Variants in BRCA1 observed in about 807,000 individuals in gnomAD.
The protein encoded by BRCA1 is BRCA1 DNA repair associated.
A neutral mutation model predicts 173.7 loss-of-function variants in BRCA1; 140 were observed. The ratio of observed to expected loss-of-function variants is 0.81; its 90% confidence interval spans 0.70 to 0.93. The LOEUF (loss-of-function observed/expected upper bound fraction) is 0.93. BRCA1 is among the 40% of genes least tolerant of loss of function. BRCA1 has a pLI of 0.00. For missense variants in BRCA1, 1,983 were observed against 2,172.5 expected, an observed-to-expected ratio of 0.91 and a Z score of 1.73; for synonymous variants, 662 against 756.0, an observed-to-expected ratio of 0.88 and a Z score of 2.04.
chr17:43,133,816 G>A (rs1398007744), intron 1 of BRCA1, among the ~76,000 whole-genome samples: 1 of 152,038 alleles, frequency 6.6e-6, no homozygotes, highest in African/African-American at 2.4e-5. Context: ...TGTAGTTTTA[G>A]TAGAGATGGG....
rs2054458759 is a variant in BRCA1, at chr17:43,101,190, TACTTTTATTTTATTTGTATTTTTTTAG to T, written c.442-1337_442-1311del. ...AAATGAATGCTGGTACTGTGAGAACTACTTTTATTTTATTTGTATTTTTTTAGACAGAGTCTTGTTCTGTTGCCCAGG... is the reference window on the plus strand; with the variant it reads ...AAATGAATGCTGGTACTGTGAGAACTACAGAGTCTTGTTCTGTTGCCCAGG... On this transcript the variant is annotated intron_variant, in intron 6 of 22. Coordinates refer to ENST00000357654, the MANE Select transcript of BRCA1 (RefSeq NM_007294.4). 2.0e-5 allele frequency among the ~76,000 whole-genome samples: 3 copies of T among 151,966 alleles called. No individual in the cohort carries two copies. The South Asian group carries it at 6.2e-4, about 32-fold the overall frequency.
At position 43,094,216 on chromosome 17, in the gene BRCA1, C is replaced by A. The variant is rs1064794098; in HGVS notation, c.1315G>T (p.Ala439Ser). ...IDLLASDPHE[A>S]LICKSERVHS... ...ACTCTTTCACTTTTACATATTAAAG[C>A]CTCATGAGGATCACTGGCCAGTAAG... Residue 439 changes from alanine (A) to serine (S), a missense_variant, in exon 10 of 23, where the codon GCT (alanine) becomes TCT (serine). Transcript: ENST00000357654. 1 of 1,614,046 alleles carries A rather than the reference C, an allele frequency of 6.2e-7. No individual in the cohort carries two copies. The highest frequency in any genetic ancestry group is 8.5e-7 in the Non-Finnish European group (1 of 1,180,026).
chr17:43,139,206 C>T (rs1051581134), intron 1 of BRCA1, among the ~76,000 whole-genome samples: 5 of 141,370 alleles, frequency 3.5e-5, no homozygotes, highest in Non-Finnish European at 3.1e-5. Flanking sequence ...TATCATTTTT[C>T]TTTTCTCCCA....
At chr17:43,100,606 TAAC>T (rs1174991512) in intron 6 of BRCA1, among the ~76,000 whole-genome samples, 4 of 90,090 alleles carry the variant, frequency 4.4e-5, no homozygotes, top group Non-Finnish European at 8.4e-5. Flanking sequence ...TATATATATA[TAAC>T]ATATATATAA....
intron 11 of BRCA1, among the ~76,000 whole-genome samples, chr17:43,083,958 G>C (rs2053129458): frequency 6.6e-6 from 1 of 151,996 alleles, no homozygotes; most frequent in South Asian, 2.1e-4. Flanking sequence ...CCGCCTACCT[G>C]GTTCAAGCAA....
chr17:43,064,789 T>C (rs2153629313), intron 16 of BRCA1, among the ~76,000 whole-genome samples: 1 of 152,236 alleles, frequency 6.6e-6, no homozygotes, highest in South Asian at 2.1e-4. Flanking sequence ...TGTATTGGCT[T>C]TGAGTTTAAA....
intron 12 of BRCA1, chr17:43,079,190 A>C (rs2052883200): frequency 4.1e-6 from 3 of 728,154 alleles, no homozygotes; most frequent in African/African-American, 1.8e-5. Flanking sequence ...AAAACAAAAC[A>C]AAACAAAACA....
rs138493864 is a variant in BRCA1, at chr17:43,051,091, G to A, written c.5304C>T (p.Cys1768=). The A allele has an allele frequency of 2.6e-5, 42 of 1,614,104 alleles. No homozygotes were observed. The African/African-American group carries it at 5.5e-4, about 21-fold the overall frequency. ...TGGGCATGTTGGTGAAGGGCCCATA[G>A]CAACAGATTTCTAGCCCCCTGAAGA... is the stretch of plus-strand genomic sequence containing the variant. ...RKIFRGLEIC[C]YGPFTNMPTD... Residue 1768 remains cysteine, a synonymous_variant, in exon 20 of 23, where the codon TGC becomes TGT. Transcript: ENST00000357654.
At chr17:43,089,252 GCT>G (rs2053347984) in intron 11 of BRCA1, among the ~76,000 whole-genome samples, 2 of 152,068 alleles carry the variant, frequency 1.3e-5, no homozygotes, top group South Asian at 4.1e-4. Context: ...GAACCTGGGA[GCT>G]GAAGGTTGCA....
intron 12 of BRCA1, among the ~76,000 whole-genome samples, chr17:43,079,086 G>A (rs2052876705): frequency 1.3e-5 from 2 of 152,096 alleles, no homozygotes; most frequent in African/African-American, 2.4e-5. Flanking sequence ...TGTAATCCCA[G>A]CTACCCAGGA....
intron 15 of BRCA1, 79 bp downstream of exon 15, chr17:43,070,849 T>C (rs981790017): frequency 3.3e-6 from 5 of 1,499,186 alleles, no homozygotes; most frequent in Non-Finnish European, 4.6e-6. Context: ...AGGTTATTAA[T>C]TGACAATACC....
At chr17:43,123,306 G>T (rs1462419813) in intron 2 of BRCA1, among the ~76,000 whole-genome samples, 5 of 148,336 alleles carry the variant, frequency 3.4e-5, no homozygotes, top group East Asian at 4.1e-4. Context: ...TCAAACAAAG[G>T]TTCTTCCAAA....
In BRCA1 at chr17:43,063,192, A is replaced by G. The variant is rs1385125850; in HGVS notation, c.5193+141T>C. The G allele has an allele frequency of 2.6e-5, 20 of 763,590 alleles. No homozygotes were observed. In the South Asian group the frequency reaches 2.7e-4, roughly 10 times the overall value. 47.3% of individuals were successfully genotyped at this position (763,590 alleles called of 1,614,324 possible). A position where few individuals can be genotyped will look rare whatever the true frequency, so the allele number is the denominator to read the frequency against. ...GGTATGAGCCACAGTGCAGGCCTGC[A>G]TAATTCTTGATGATCCTCATTATCA... On this transcript the variant is annotated intron_variant, in intron 18 of 22. Coordinates refer to ENST00000357654, the MANE Select transcript of BRCA1 (RefSeq NM_007294.4).
At chr17:43,131,218 C>T (rs560954044) in intron 1 of BRCA1, 6 of 293,114 alleles carry the variant, frequency 2.0e-5, no homozygotes, top group Non-Finnish European at 4.7e-5. Context: ...GTAAAAGTTT[C>T]ATTTGATCTG....
chr17:43,120,352 T>A (rs1482619924), intron 2 of BRCA1, among the ~76,000 whole-genome samples: 1 of 152,238 alleles, frequency 6.6e-6, no homozygotes, highest in Admixed American at 6.5e-5. Flanking sequence ...GTCATGATCA[T>A]TCCTGATCAC....
At chr17:43,122,637 A>G (rs2055629135) in intron 2 of BRCA1, among the ~76,000 whole-genome samples, 1 of 152,072 alleles carries the variant, frequency 6.6e-6, no homozygotes, top group Non-Finnish European at 1.5e-5. Flanking sequence ...GCTGGGTGCA[A>G]TGGCTCAGGC....
At chr17:43,125,629 G>C, upstream of BRCA1, 5 of 260,508 alleles carry the variant, frequency 1.9e-5, no homozygotes, top group South Asian at 1.2e-4. Flanking sequence ...CTGCCCTCTA[G>C]CCTCTACTCT....
At chr17:43,124,264 A>G (rs2055761994) in intron 1 of BRCA1, 149 bp from the exon 2 acceptor site, 2 of 579,230 alleles carry the variant, frequency 3.5e-6, no homozygotes, top group Non-Finnish European at 6.0e-6. Flanking sequence ...AACGTCCTTT[A>G]TTTTTAAAGA....
rs535683597 is a variant in BRCA1, at chr17:43,049,284, T to C, written c.5333-90A>G. 9.0e-7 allele frequency: 1 copy of C among 1,112,742 alleles called. No homozygotes were observed. Among genetic ancestry groups the C allele is most frequent in the African/African-American group, 1.5e-5 (1 of 65,452 alleles). 68.9% of individuals were successfully genotyped at this position (1,112,742 alleles called of 1,614,324 possible). On this transcript the variant is annotated intron_variant, in intron 20 of 22. Coordinates refer to ENST00000357654, the MANE Select transcript of BRCA1 (RefSeq NM_007294.4). Reference sequence around the variant, plus strand: ...CCTACACTCTCCGGATGAAGGCTTATAGCAAGACCTCTCAATGGGAGAGTC... The same window carrying C: ...CCTACACTCTCCGGATGAAGGCTTACAGCAAGACCTCTCAATGGGAGAGTC...
Sources: allele counts gnomAD v4.1 joint callset (sites outside exome capture counted in the v4.1 genomes callset), GRCh38; gene constraint gnomAD v4.1.1; transcripts MANE v1.5; gene names NCBI Gene and HGNC (gene_info 2026-07-23, HGNC 2026-07-21).